ZBTB43: variants seen among roughly 807,000 people sequenced by gnomAD.
ZBTB43 encodes zinc finger and BTB domain containing 43, also known as zinc finger and BTB domain-containing protein 43.
Under a neutral mutation model 31.1 loss-of-function variants are expected in ZBTB43, and 6 were observed. The observed-to-expected ratio is 0.19, with a 90% CI of 0.11 to 0.38. The LOEUF (loss-of-function observed/expected upper bound fraction) is 0.38. ZBTB43 is among the 10% of genes least tolerant of loss of function. The pLI, the probability that ZBTB43 is intolerant of heterozygous loss-of-function variation, is 1.00. For synonymous variants in ZBTB43, 212 were observed against 221.7 expected (o/e 0.96, Z 0.39); for missense variants, 379 against 602.1 (o/e 0.63, Z 3.88).
intron 2 of ZBTB43, among the ~76,000 whole-genome samples, chr9:126,817,076 A>G (rs1021552125): frequency 2.1e-5 from 3 of 144,760 alleles, no homozygotes; most frequent in South Asian, 4.4e-4. Flanking sequence ...GTTTCCCTTC[A>G]ACTTGGCCCC....
intron 1 of ZBTB43, among the ~76,000 whole-genome samples, chr9:126,805,924 T>TC (rs2032117947): frequency 6.6e-6 from 1 of 152,194 alleles, no homozygotes; most frequent in African/African-American, 2.4e-5. Flanking sequence ...CCCGTGAAGT[T>TC]CCCTGCACTG....
At chr9:126,820,142 A>G (rs893098628) in intron 2 of ZBTB43, among the ~76,000 whole-genome samples, 5 of 152,282 alleles carry the variant, frequency 3.3e-5, no homozygotes, top group Non-Finnish European at 5.9e-5. Flanking sequence ...CAAGCTATCT[A>G]GAAAATCTAG....
chr9:126,805,607 A>G (rs995933890), intron 1 of ZBTB43, among the ~76,000 whole-genome samples: 3 of 152,146 alleles, frequency 2.0e-5, no homozygotes, highest in African/African-American at 7.2e-5. Flanking sequence ...TGTCTCTGTC[A>G]CCTGTTGTAA....
chr9:126,804,594 C>A (rs530510788), upstream of ZBTB43, among the ~76,000 whole-genome samples: 2 of 152,278 alleles, frequency 1.3e-5, no homozygotes, highest in African/African-American at 4.8e-5. Flanking sequence ...AGGCAATTCT[C>A]CTGTCTCAGC....
At chr9:126,829,739 G>A (rs1378029240) in intron 2 of ZBTB43, among the ~76,000 whole-genome samples, 2 of 151,518 alleles carry the variant, frequency 1.3e-5, no homozygotes, top group Admixed American at 1.3e-4. Flanking sequence ...ACATGTGCAT[G>A]TGTTATATCC....
intron 2 of ZBTB43, among the ~76,000 whole-genome samples, chr9:126,821,441 G>A (rs1003909251): frequency 2.0e-5 from 3 of 152,160 alleles, no homozygotes; most frequent in East Asian, 1.9e-4. Context: ...TCTAGATGCC[G>A]TTAAGAACAT....
intron 2 of ZBTB43, among the ~76,000 whole-genome samples, chr9:126,813,517 G>A (rs993164697): frequency 6.6e-6 from 1 of 152,094 alleles, no homozygotes; most frequent in African/African-American, 2.4e-5. Context: ...GTAATGATGT[G>A]TGTGTCACCA....
intron 2 of ZBTB43, among the ~76,000 whole-genome samples, chr9:126,826,950 T>C (rs531447727): frequency 6.6e-6 from 1 of 152,388 alleles, no homozygotes; most frequent in Non-Finnish European, 1.5e-5. Context: ...GTGAATGTAC[T>C]GTATATTCCT....
intron 2 of ZBTB43, among the ~76,000 whole-genome samples, chr9:126,818,603 A>G (rs2032445051): frequency 6.6e-6 from 1 of 152,182 alleles, no homozygotes; most frequent in Non-Finnish European, 1.5e-5. Flanking sequence ...TTTCTGTGTC[A>G]GTTGAGATGA....
intron 2 of ZBTB43, among the ~76,000 whole-genome samples, chr9:126,812,627 G>A (rs2032275063): frequency 6.6e-6 from 1 of 152,184 alleles, no homozygotes; most frequent in South Asian, 2.1e-4. Context: ...GAAAAGGGAT[G>A]TTTAGTAGTT....
chr9:126,833,598 C>G lies in ZBTB43; in HGVS notation c.1089C>G (p.His363Gln), dbSNP rs1275957515. Residue 363 changes from histidine (H) to glutamine (Q), a missense_variant, in exon 3 of 3, where the codon CAC becomes CAG. Physicochemically the swap from His to Gln is conservative, Grantham distance 24 (BLOSUM62 0). Transcript: ENST00000373464. The surrounding 1 kb of genome is among the most constrained non-coding windows in gnomAD (Gnocchi z 7.9). ...CAGGGATTAAAGAAGAAGCTTCCCA[C>G]TTAGGATTCTCAGCCACTGACAAGC... is the stretch of plus-strand genomic sequence containing the variant. ...MVTGIKEEAS[H>Q]LGFSATDKLY... 6.2e-7 allele frequency: 1 copy of G among 1,614,100 alleles called. No individual in the cohort carries two copies. The highest frequency in any genetic ancestry group is 1.1e-5 in the South Asian group (1 of 91,084).
intron 2 of ZBTB43, among the ~76,000 whole-genome samples, chr9:126,820,497 T>C (rs895381678): frequency 7.2e-5 from 11 of 152,126 alleles, no homozygotes; most frequent in Non-Finnish European, 1.2e-4. Context: ...GACCTACTGC[T>C]CAGAAAAAGA....
chr9:126,829,359 T>C (rs2032718279), intron 2 of ZBTB43, among the ~76,000 whole-genome samples: 2 of 152,234 alleles, frequency 1.3e-5, no homozygotes. Context: ...ATATCTATTG[T>C]AGCATTGCTT....
intron 2 of ZBTB43, chr9:126,831,288 G>C (rs1458779239): frequency 6.6e-6 from 1 of 152,226 alleles, no homozygotes; most frequent in Non-Finnish European, 1.5e-5. Context: ...CCACCATTCT[G>C]TTCTCCCACC....
intron 2 of ZBTB43, among the ~76,000 whole-genome samples, chr9:126,827,730 G>T (rs1284248455): frequency 6.6e-6 from 1 of 152,142 alleles, no homozygotes; most frequent in African/African-American, 2.4e-5. Context: ...AACAGAGGCC[G>T]GGCGAGGTGG....
chr9:126,811,900 A>G (rs1356742840), intron 2 of ZBTB43, among the ~76,000 whole-genome samples: 1 of 152,260 alleles, frequency 6.6e-6, no homozygotes, highest in Non-Finnish European at 1.5e-5. Context: ...CTGGGATTAC[A>G]GGCGTGAGCC....
Position 126,835,799 on chromosome 9 carries a change from T to C in ZBTB43, c.*1886T>C, listed in dbSNP as rs964654327. 1 of 166,726 alleles carries C rather than the reference T, an allele frequency of 6.0e-6. No homozygotes were observed. Among genetic ancestry groups the C allele is most frequent in the African/African-American group, 2.4e-5 (1 of 41,452 alleles). The allele number at this position is 166,726 out of a possible 1,614,324, so 10.3% of individuals were successfully genotyped here. On this transcript the variant is annotated 3_prime_UTR_variant, in exon 3 of 3. Transcript: ENST00000373464. ...TTGCCACATTAATAGCTTCTCTTAG[T>C]ATTGAAACGTTACTGGTTAGCAGTC... is the stretch of plus-strand genomic sequence containing the variant.
chr9:126,815,332 A>G (rs1409250953), intron 2 of ZBTB43, among the ~76,000 whole-genome samples: 2 of 145,072 alleles, frequency 1.4e-5, no homozygotes, highest in Non-Finnish European at 3.0e-5. Flanking sequence ...ATATAAAACT[A>G]TATATATAGT....
chr9:126,805,841 C>T (rs2032114503), intron 1 of ZBTB43, among the ~76,000 whole-genome samples: 2 of 148,622 alleles, frequency 1.3e-5, no homozygotes, highest in South Asian at 2.1e-4. Context: ...GTTTTTGCCT[C>T]TTGTCTCTCT....
Sources: gnomAD v4.1 joint callset for allele counts (sites outside exome capture counted in the v4.1 genomes callset) on GRCh38, gnomAD v4.1.1 for gene constraint, Gnocchi (gnomAD v3.1) non-coding constraint, MANE v1.5 for transcripts, NCBI Gene and HGNC (gene_info 2026-07-23, HGNC 2026-07-21) for gene names.